LAMP1: variants seen among roughly 807,000 people sequenced by gnomAD.
The protein encoded by LAMP1 is lysosome associated membrane protein 1.
In LAMP1, 7 loss-of-function variants were observed where a neutral mutation model predicts 37.5. The observed-to-expected ratio is 0.19, with a 90% CI of 0.11 to 0.35. The LOEUF is 0.35. Among genes scored for constraint, LAMP1 ranks in the 10% least tolerant of loss-of-function variants. The pLI is 1.00. For synonymous variants in LAMP1, 236 were observed against 229.1 expected (o/e 1.03, Z -0.27); for missense variants, 537 against 552.8 (o/e 0.97, Z 0.29).
chr13:113,302,490 G>C (rs1282552652), intron 1 of LAMP1, among the ~76,000 whole-genome samples: 1 of 152,102 alleles, frequency 6.6e-6, no homozygotes, highest in African/African-American at 2.4e-5. Flanking sequence ...GGCTGTGCCC[G>C]GCCTAATTTT....
At chr13:113,308,190 A>AT (rs1282844549) in intron 2 of LAMP1, among the ~76,000 whole-genome samples, 2 of 151,648 alleles carry the variant, frequency 1.3e-5, no homozygotes, top group Non-Finnish European at 2.9e-5. Flanking sequence ...AATTATTTGT[A>AT]TTTTTAGTAG....
Position 113,322,411 on chromosome 13 carries a change from A to G in LAMP1, c.1244A>G (p.Gln415Arg). The change falls in exon 9 of 9, where the codon CAG becomes CGG. Residue 415 changes from glutamine to arginine, a missense_variant. Transcript: ENST00000332556. ...VGRKRSHAGY[Q>R]TI ...AGGAAGAGGAGTCACGCAGGCTACC[A>G]GACTATCTAGCCTGGTGCACGCAGG... 2 of 1,612,754 alleles carry G rather than the reference A, an allele frequency of 1.2e-6. No individual in the cohort carries two copies. Among genetic ancestry groups the G allele is most frequent in the Non-Finnish European group, 1.7e-6 (2 of 1,179,186 alleles).
intron 1 of LAMP1, among the ~76,000 whole-genome samples, chr13:113,304,223 AG>A (rs1418726588): frequency 6.6e-6 from 1 of 152,250 alleles, no homozygotes; most frequent in East Asian, 1.9e-4. Context: ...GCTTAATAAA[AG>A]CCAGCCTATG....
chr13:113,322,050 C>A (rs969195004), intron 8 of LAMP1: 3 of 580,562 alleles, frequency 5.2e-6, no homozygotes, highest in Non-Finnish European at 9.1e-6. Context: ...CACAGCTGTC[C>A]GGCCACAGCC....
chr13:113,299,191 C>T (rs1415290011), intron 1 of LAMP1, among the ~76,000 whole-genome samples: 1 of 152,174 alleles, frequency 6.6e-6, no homozygotes, highest in Non-Finnish European at 1.5e-5. Context: ...TCCATAACTC[C>T]CTAATATTGT....
rs1157665974 is a variant in LAMP1 at position 113,301,641 on chromosome 13, AAAAATATATATATATATAT to A, written c.61+4148_61+4166del. 5.0e-3 allele frequency among the ~76,000 whole-genome samples: 153 copies of A among 30,422 alleles called. 11 individuals carry two copies. The highest frequency in any genetic ancestry group is 0.021 in the African/African-American group (132 of 6,148). The allele number at this position is 30,422 out of a possible 152,430, so 20.0% of individuals were successfully genotyped here. ...CTGTTTCCATTTAAAAAAAAAAAAA[AAAAATATATATATATATAT>A]ATATATATATATATATATATATATA... On this transcript the variant is annotated intron_variant, in intron 1 of 8. Transcript: ENST00000332556.
chr13:113,306,744 C>T, intron 2 of LAMP1, 138 bp downstream of exon 2: 1 of 909,778 alleles, frequency 1.1e-6, no homozygotes, highest in Non-Finnish European at 1.6e-6. Context: ...CTGGTGTTGT[C>T]AGTAACCTGC....
At chr13:113,301,854 A>ATTTTTTT (rs1595456796) in intron 1 of LAMP1, among the ~76,000 whole-genome samples, 1 of 108,558 alleles carries the variant, frequency 9.2e-6, no homozygotes, top group African/African-American at 3.9e-5. Flanking sequence ...CTAAGATGTG[A>ATTTTTTT]TTTCTTTTTT....
intron 8 of LAMP1, 154 bp from the exon 9 acceptor site, chr13:113,322,128 C>T (rs942890732): frequency 8.7e-6 from 7 of 806,128 alleles, no homozygotes; most frequent in African/African-American, 3.4e-5. Context: ...GTCTCTGCAG[C>T]GGCTTCCCCA....
intron 2 of LAMP1, 42 bp from the exon 3 acceptor site, chr13:113,309,601 C>A: frequency 1.4e-6 from 2 of 1,456,676 alleles, no homozygotes; most frequent in Non-Finnish European, 1.9e-6. Flanking sequence ...CTTTTAATAA[C>A]CTGCATCCCA....
rs1008129561 is a variant in LAMP1, at chr13:113,320,967, A to G, written c.877-437A>G. The G allele has an allele frequency of 7.5e-5, 17 of 225,326 alleles. No homozygotes were observed. Among genetic ancestry groups the G allele is most frequent in the African/African-American group, 3.7e-4 (16 of 43,554 alleles). 14.0% of individuals were successfully genotyped at this position (225,326 alleles called of 1,614,324 possible). On this transcript the variant is annotated intron_variant, in intron 6 of 8. Transcript: ENST00000332556. This position sits in a 1 kb window ranked among gnomAD's most constrained non-coding sequence, Gnocchi z 4.4. ...CCCGTTTTCCAGAGACTGACTCTCA[A>G]GAGGTCTGGAAGGACCAGCCTGGGC... is the stretch of plus-strand genomic sequence containing the variant.
At position 113,320,214 on chromosome 13, in the gene LAMP1, T is replaced by C; in HGVS notation, c.751-131T>C. 1.9e-6 allele frequency: 2 copies of C among 1,058,562 alleles called. No individual in the cohort carries two copies. Among genetic ancestry groups the C allele is most frequent in the Non-Finnish European group, 2.8e-6 (2 of 704,858 alleles). The allele number at this position is 1,058,562 out of a possible 1,614,324, so 65.6% of individuals were successfully genotyped here. ...TCCCGAAATCTGTACTAGTGTGGTC[T>C]TTCAGTGTTTTCCTTCTGGTTTTGG... On this transcript the variant is annotated intron_variant, in intron 5 of 8. Transcript: ENST00000332556. This position sits in a 1 kb window ranked among gnomAD's most constrained non-coding sequence, Gnocchi z 4.4.
chr13:113,309,148 G>T (rs907196380), intron 2 of LAMP1, among the ~76,000 whole-genome samples: 2 of 152,190 alleles, frequency 1.3e-5, no homozygotes, highest in East Asian at 3.8e-4. Context: ...TGTTGCCCAG[G>T]CTGGAGTGCA....
At position 113,297,532 on chromosome 13, in the gene LAMP1, C is replaced by G. The variant is rs2042549162; in HGVS notation, c.61+37C>G. The G allele has an allele frequency of 1.6e-6, 2 of 1,227,326 alleles. No homozygotes were observed. Among genetic ancestry groups the G allele is most frequent in the African/African-American group, 1.6e-5 (1 of 63,968 alleles). The allele number at this position is 1,227,326 out of a possible 1,614,324, so 76.0% of individuals were successfully genotyped here. A position where few individuals can be genotyped will look rare whatever the true frequency, so the allele number is the denominator to read the frequency against. ...GAGGCGGGGCCTGGGAGCGGCGGGACCGGGCGGAGCCGAGGTCCCTGGGTC... is the reference window on the plus strand; with the variant it reads ...GAGGCGGGGCCTGGGAGCGGCGGGAGCGGGCGGAGCCGAGGTCCCTGGGTC... On this transcript the variant is annotated intron_variant, in intron 1 of 8. Transcript: ENST00000332556. The surrounding 1 kb of genome is among the most constrained non-coding windows in gnomAD (Gnocchi z 4.4).
chr13:113,304,640 G>C (rs751466383), intron 1 of LAMP1, among the ~76,000 whole-genome samples: 1 of 151,726 alleles, frequency 6.6e-6, no homozygotes, highest in African/African-American at 2.4e-5. Context: ...TTTCATTGTC[G>C]TGTAGCACCT....
intron 2 of LAMP1, among the ~76,000 whole-genome samples, chr13:113,308,993 A>G (rs902177487): frequency 6.6e-6 from 1 of 152,218 alleles, no homozygotes; most frequent in African/African-American, 2.4e-5. Context: ...AAAAGTAGTG[A>G]TAGCTTTTCT....
chr13:113,316,508 C>T (rs1350071355), intron 4 of LAMP1, among the ~76,000 whole-genome samples: 1 of 151,470 alleles, frequency 6.6e-6, no homozygotes, highest in East Asian at 2.0e-4. Context: ...CTGCAAGCTC[C>T]GCCTCCTGGG....
At chr13:113,312,389 G>T (rs1051466264) in intron 4 of LAMP1, among the ~76,000 whole-genome samples, 1 of 152,224 alleles carries the variant, frequency 6.6e-6, no homozygotes, top group African/African-American at 2.4e-5. Context: ...ATCTGTGGCT[G>T]CTTTTGTATT....
chr13:113,299,780 G>T (rs2042561175), intron 1 of LAMP1, among the ~76,000 whole-genome samples: 1 of 151,692 alleles, frequency 6.6e-6, no homozygotes, highest in African/African-American at 2.4e-5. Flanking sequence ...TGCTGGCCAG[G>T]CTGGTCTCGA....
Sources: gnomAD v4.1 joint callset for allele counts (sites outside exome capture counted in the v4.1 genomes callset) on GRCh38, gnomAD v4.1.1 for gene constraint, Gnocchi (gnomAD v3.1) non-coding constraint, MANE v1.5 for transcripts, NCBI Gene and HGNC (gene_info 2026-07-23, HGNC 2026-07-21) for gene names.